FAM117A: variants seen among roughly 807,000 people sequenced by gnomAD.
FAM117A encodes protein FAM117A.
In FAM117A, 21 loss-of-function variants were observed where a neutral mutation model predicts 44.1. The ratio of observed to expected loss-of-function variants is 0.48; its 90% confidence interval spans 0.34 to 0.69. The LOEUF is 0.69. Among genes scored for constraint, FAM117A ranks in the 30% least tolerant of loss-of-function variants. FAM117A has a pLI of 0.01. For missense variants in FAM117A, 498 were observed against 589.9 expected, an observed-to-expected ratio of 0.84 and a Z score of 1.61; for synonymous variants, 220 against 238.3, an observed-to-expected ratio of 0.92 and a Z score of 0.71.
At chr17:49,760,062 T>TTA (rs2073716719) in intron 1 of FAM117A, among the ~76,000 whole-genome samples, 1 of 152,190 alleles carries the variant, frequency 6.6e-6, no homozygotes, top group African/African-American at 2.4e-5. Context: ...TGCCTAACAG[T>TTA]TAAGCTTTTA....
At chr17:49,730,869 C>A (rs1224558501) in intron 2 of FAM117A, among the ~76,000 whole-genome samples, 2 of 152,142 alleles carry the variant, frequency 1.3e-5, no homozygotes, top group African/African-American at 4.8e-5. Flanking sequence ...GCAGCAAATT[C>A]TTGTTGATTC....
intron 1 of FAM117A, among the ~76,000 whole-genome samples, chr17:49,749,576 A>C (rs1194387566): frequency 1.0e-5 from 1 of 96,408 alleles, no homozygotes; most frequent in Non-Finnish European, 2.0e-5. Flanking sequence ...ACTCCGTCTC[A>C]AAAAAAAAAA....
At chr17:49,732,528 C>T (rs1350127133) in intron 2 of FAM117A, 23 bp downstream of exon 2, 1 of 1,613,158 alleles carries the variant, frequency 6.2e-7, no homozygotes, top group South Asian at 1.1e-5. Context: ...ATCCCTTATC[C>T]CATCAGGAGA....
At chr17:49,736,481 G>A (rs1266490325) in intron 1 of FAM117A, among the ~76,000 whole-genome samples, 1 of 151,954 alleles carries the variant, frequency 6.6e-6, no homozygotes, top group Non-Finnish European at 1.5e-5. Context: ...TCCTGACCTC[G>A]TGATCTGCCT....
At chr17:49,745,122 C>T (rs944273569) in intron 1 of FAM117A, among the ~76,000 whole-genome samples, 2 of 151,900 alleles carry the variant, frequency 1.3e-5, no homozygotes, top group Non-Finnish European at 2.9e-5. Flanking sequence ...ATACAGAACC[C>T]ACAGATACAG....
chr17:49,760,630 G>T (rs2073719160), intron 1 of FAM117A, among the ~76,000 whole-genome samples: 1 of 152,170 alleles, frequency 6.6e-6, no homozygotes, highest in Admixed American at 6.5e-5. Context: ...GTCCCAGTGG[G>T]GCTGGTCCAC....
intron 1 of FAM117A, among the ~76,000 whole-genome samples, chr17:49,776,821 G>A (rs957267115): frequency 7.9e-5 from 12 of 152,152 alleles, no homozygotes; most frequent in African/African-American, 2.7e-4. Flanking sequence ...CTCTTTGTGG[G>A]GTCAAAAGGG....
chr17:49,721,456 G>A (rs773447121), intron 3 of FAM117A, among the ~76,000 whole-genome samples: 3 of 152,174 alleles, frequency 2.0e-5, no homozygotes, highest in Non-Finnish European at 4.4e-5. Context: ...CCCATTCTTA[G>A]TGTGAATAAC....
intron 2 of FAM117A, among the ~76,000 whole-genome samples, chr17:49,728,708 G>A (rs1406739761): frequency 6.6e-6 from 1 of 152,162 alleles, no homozygotes; most frequent in African/African-American, 2.4e-5. Flanking sequence ...TGCAGCCACC[G>A]GCATGTACTG....
chr17:49,717,416 G>A (rs2073509307), intron 6 of FAM117A, 97 bp downstream of exon 6: 3 of 1,000,942 alleles, frequency 3.0e-6, no homozygotes, highest in Non-Finnish European at 4.5e-6. Flanking sequence ...GTAGGGTACT[G>A]AGAATGCTAG....
chr17:49,763,838 G>GC lies in FAM117A; in HGVS notation c.196+53dup, dbSNP rs1393910541. The stretch of plus-strand genomic sequence containing the variant: ...CCCCGTCCCCCTCCCGCGGTCACGC[G>GC]CCCCCCCTCCCCCAATGGCTCCTTC... On this transcript the variant is annotated intron_variant, in intron 1 of 7. Coordinates refer to ENST00000240364, the MANE Select transcript of FAM117A (RefSeq NM_030802.4). The GC allele has an allele frequency of 3.7e-5, 11 of 293,606 alleles. No individual in the cohort carries two copies. The East Asian group carries it at 5.9e-4, about 16-fold the overall frequency. 18.2% of individuals were successfully genotyped at this position (293,606 alleles called of 1,614,324 possible). A position where few individuals can be genotyped will look rare whatever the true frequency, so the allele number is the denominator to read the frequency against.
At chr17:49,730,207 T>C (rs2073578717) in intron 2 of FAM117A, among the ~76,000 whole-genome samples, 1 of 152,196 alleles carries the variant, frequency 6.6e-6, no homozygotes, top group African/African-American at 2.4e-5. Flanking sequence ...GCCACAATAT[T>C]GACAGGTTGC....
intron 5 of FAM117A, among the ~76,000 whole-genome samples, chr17:49,719,463 G>A (rs1287043030): frequency 6.6e-6 from 1 of 152,194 alleles, no homozygotes; most frequent in Non-Finnish European, 1.5e-5. Context: ...AGTGAGAACT[G>A]GCAGTTTGGC....
intron 1 of FAM117A, among the ~76,000 whole-genome samples, chr17:49,769,824 CTATA>C (rs2073755770): frequency 6.6e-6 from 1 of 152,112 alleles, no homozygotes; most frequent in African/African-American, 2.4e-5. Flanking sequence ...ACAGTAGAAA[CTATA>C]TGTGATTCAG....
intron 1 of FAM117A, among the ~76,000 whole-genome samples, chr17:49,777,118 T>C (rs2073777531): frequency 6.6e-6 from 1 of 152,184 alleles, no homozygotes; most frequent in South Asian, 2.1e-4. Context: ...GTTTGGTTGA[T>C]AAATGATGGG....
intron 1 of FAM117A, among the ~76,000 whole-genome samples, chr17:49,782,159 A>C (rs1192934609): frequency 6.6e-6 from 1 of 151,612 alleles, no homozygotes; most frequent in Admixed American, 6.6e-5. Context: ...GCGGATCACG[A>C]GGTCAGGAGA....
intron 2 of FAM117A, among the ~76,000 whole-genome samples, chr17:49,729,685 T>G (rs1164479905): frequency 6.6e-6 from 1 of 151,914 alleles, no homozygotes; most frequent in Non-Finnish European, 1.5e-5. Flanking sequence ...TTTGTATTTT[T>G]AGTAGAGATG....
intron 2 of FAM117A, among the ~76,000 whole-genome samples, chr17:49,726,626 T>C (rs2073561224): frequency 6.6e-6 from 1 of 152,130 alleles, no homozygotes; most frequent in South Asian, 2.1e-4. Flanking sequence ...CAAGGTTAGA[T>C]AGGACTCCTC....
intron 1 of FAM117A, among the ~76,000 whole-genome samples, chr17:49,737,389 T>C (rs1222794101): frequency 2.6e-5 from 4 of 152,188 alleles, no homozygotes; most frequent in Non-Finnish European, 5.9e-5. Flanking sequence ...GCAGGGACTC[T>C]GGAAAGTGGA....
Sources: gnomAD v4.1 joint callset for allele counts (sites outside exome capture counted in the v4.1 genomes callset) on GRCh38, gnomAD v4.1.1 for gene constraint, MANE v1.5 for transcripts, NCBI Gene and HGNC (gene_info 2026-07-23, HGNC 2026-07-21) for gene names.